Variants in DUOX1 observed in about 807,000 individuals in gnomAD.
DUOX1 encodes dual oxidase 1.
In DUOX1, 134 loss-of-function variants were observed where a neutral mutation model predicts 181.8. That is an observed-to-expected ratio of 0.74 (90% CI 0.64 to 0.85). The LOEUF (loss-of-function observed/expected upper bound fraction) is 0.85. DUOX1 is among the 40% of genes least tolerant of loss of function. The probability of loss-of-function intolerance (pLI) is 0.00; values close to 1 mark genes in which losing one functional copy is unlikely to be tolerated. For synonymous variants in DUOX1, 798 were observed against 832.5 expected (o/e 0.96, Z 0.71); for missense variants, 1,814 against 2,064.4 (o/e 0.88, Z 2.35).
At chr15:45,133,803 G>T (rs778650959) in intron 2 of DUOX1, 61 bp from the exon 3 acceptor site, 15 of 1,462,468 alleles carry the variant, frequency 1.0e-5, no homozygotes, top group Admixed American at 1.7e-5. Context: ...TATCCGGCAG[G>T]CCTGCCTGTC....
At chr15:45,132,146 GC>G in intron 2 of DUOX1, 122 bp downstream of exon 2, 1 of 836,568 alleles carries the variant, frequency 1.2e-6, no homozygotes, top group Non-Finnish European at 1.8e-6. Context: ...CTGACACAGT[GC>G]CCTGCACATG....
chr15:45,141,005 C>A lies in DUOX1; in HGVS notation c.1500C>A (p.Ile500=), dbSNP rs767254275. The change falls in exon 13 of 34, where the codon ATC becomes ATA. Residue 500 remains isoleucine (I), a synonymous_variant. Coordinates refer to ENST00000389037, the MANE Select transcript of DUOX1 (RefSeq NM_175940.3). ...HRDPGPLFST[I]VLEQFVRLRD... is the part of the protein sequence containing the mutation. ...ACCCTGGACCTCTGTTCAGCACCATCGTCCTTGAACAATTTGTGCGGCTAC... is the reference window on the plus strand; with the variant it reads ...ACCCTGGACCTCTGTTCAGCACCATAGTCCTTGAACAATTTGTGCGGCTAC... 6.2e-7 allele frequency: 1 copy of A among 1,614,208 alleles called. No individual in the cohort carries two copies. Among genetic ancestry groups the A allele is most frequent in the South Asian group, 1.1e-5 (1 of 91,070 alleles).
In DUOX1 at chr15:45,135,601, A is replaced by G; in HGVS notation, c.623A>G (p.Asp208Gly). Residue 208 changes from aspartate (D) to glycine (G), a missense_variant, in exon 6 of 34, where the codon GAC becomes GGC. By Grantham distance (94) the Asp-to-Gly change is moderately conservative (BLOSUM62 -1). This residue lies in a region of DUOX1 where 320 missense variants were observed against 313.1 expected (regional missense o/e 1.02). Transcript: ENST00000389037. ...GGGCCCGACCCCGCTTTTCCCCGAG[A>G]CTCGCAGAACCCCCTGCTCATGTGG... ...ASGPDPAFPR[D>G]SQNPLLMWAA... is the part of the protein sequence containing the mutation. 1 of 1,563,778 alleles carries G rather than the reference A, an allele frequency of 6.4e-7. No homozygotes were observed. The highest frequency in any genetic ancestry group is 8.7e-7 in the Non-Finnish European group (1 of 1,155,456).
At chr15:45,151,076 A>G in intron 22 of DUOX1, 47 bp from the exon 23 acceptor site, 1 of 1,608,684 alleles carries the variant, frequency 6.2e-7, no homozygotes, top group Non-Finnish European at 8.5e-7. Flanking sequence ...CAGAGGAACG[A>G]GTGGTTGAGA....
In DUOX1 at chr15:45,153,494, A is replaced by ATGTGTGTG. The variant is rs58154992; in HGVS notation, c.3524+61_3524+68dup. ...CATGATGATGGGTGAGTAAGTGCGA[A>ATGTGTGTG]TGTGTGTGTGTGTGTGTGTGTGTGT... On this transcript the variant is annotated intron_variant, in intron 26 of 33. Coordinates refer to ENST00000389037, the MANE Select transcript of DUOX1 (RefSeq NM_175940.3). 34 of 886,710 alleles carry ATGTGTGTG rather than the reference A, an allele frequency of 3.8e-5. No individual in the cohort carries two copies. The highest frequency in any genetic ancestry group is 3.2e-4 in the African/African-American group (16 of 50,310). 54.9% of individuals were successfully genotyped at this position (886,710 alleles called of 1,614,324 possible).
At chr15:45,147,397 T>C in intron 18 of DUOX1, 36 bp from the exon 19 acceptor site, 1 of 1,600,462 alleles carries the variant, frequency 6.2e-7, no homozygotes, top group Non-Finnish European at 8.5e-7. Context: ...GGAAGCCTTG[T>C]CTCCTCTCCC....
chr15:45,158,686 CGA>C (rs1205023943), intron 28 of DUOX1, among the ~76,000 whole-genome samples: 3 of 111,658 alleles, frequency 2.7e-5, no homozygotes, highest in Non-Finnish European at 4.9e-5. Context: ...TGGGTGACAG[CGA>C]GACTTCCATC....
In DUOX1 at chr15:45,165,060, A is replaced by AG; in HGVS notation, c.*162dup. 1 of 719,952 alleles carries AG rather than the reference A, an allele frequency of 1.4e-6. No homozygotes were observed. Among genetic ancestry groups the AG allele is most frequent in the Non-Finnish European group, 2.3e-6 (1 of 436,350 alleles). 44.6% of individuals were successfully genotyped at this position (719,952 alleles called of 1,614,324 possible). Reference sequence around the variant, plus strand: ...ATAGTCAGTCACCATGTGTGGGCTCAGGGACCCCCAGGACCAGGATGTGTC... The same window carrying AG: ...ATAGTCAGTCACCATGTGTGGGCTCAGGGGACCCCCAGGACCAGGATGTGTC... On this transcript the variant is annotated 3_prime_UTR_variant, in exon 34 of 34. Coordinates refer to ENST00000389037, the MANE Select transcript of DUOX1 (RefSeq NM_175940.3).
Position 45,143,319 on chromosome 15 carries a change from G to A in DUOX1, c.1936+16G>A, listed in dbSNP as rs1390706027. The A allele has an allele frequency of 6.2e-7, 1 of 1,608,266 alleles. No individual in the cohort carries two copies. Among genetic ancestry groups the A allele is most frequent in the Non-Finnish European group, 8.5e-7 (1 of 1,175,220 alleles). On this transcript the variant is annotated intron_variant, in intron 16 of 33. Transcript: ENST00000389037. ...GGCATGGAAGGTAGGTCTAGGGCTG[G>A]CCAGGGTGGTGGTAGGGAGGACATG...
rs1567012067 is a variant in DUOX1 at position 45,142,130 on chromosome 15, G to A, written c.1822+18G>A. On this transcript the variant is annotated intron_variant, in intron 15 of 33. Coordinates refer to ENST00000389037, the MANE Select transcript of DUOX1 (RefSeq NM_175940.3). Reference sequence around the variant, plus strand: ...CCCTTTGGGTAAAATCATGGACAGAGTGGGGTGGGGTGAGAGATGCAAGCT... The same window carrying A: ...CCCTTTGGGTAAAATCATGGACAGAATGGGGTGGGGTGAGAGATGCAAGCT... 1 of 1,608,362 alleles carries A rather than the reference G, an allele frequency of 6.2e-7. No homozygotes were observed. Among genetic ancestry groups the A allele is most frequent in the South Asian group, 1.1e-5 (1 of 90,202 alleles).
rs1279681848 is a variant in DUOX1 at position 45,151,933 on chromosome 15, G to T, written c.3074G>T (p.Ser1025Ile). The change falls in exon 24 of 34, where the codon AGC becomes ATC. Residue 1025 changes from serine (S) to isoleucine (I), a missense_variant. Ser to Ile is a moderately radical substitution (Grantham distance 142, BLOSUM62 -2). Around this residue, in one of 5 missense-constraint regions of DUOX1, gnomAD observed 1,064 missense variants for 1,152.9 expected, o/e 0.92. Coordinates refer to ENST00000389037, the MANE Select transcript of DUOX1 (RefSeq NM_175940.3). Reference sequence around the variant, plus strand: ...GCGCACCGAGAGAAGTTCCAACGCAGCTGTCTCCACCAGACGGTGCAACAG... The same window carrying T: ...GCGCACCGAGAGAAGTTCCAACGCATCTGTCTCCACCAGACGGTGCAACAG... ...TEAHREKFQR[S>I]CLHQTVQQFK... is the part of the protein sequence containing the mutation. The T allele has an allele frequency of 6.2e-7, 1 of 1,614,006 alleles. No homozygotes were observed. The highest frequency in any genetic ancestry group is 1.1e-5 in the South Asian group (1 of 91,078).
intron 21 of DUOX1, 52 bp downstream of exon 21, chr15:45,148,499 C>T: frequency 6.4e-7 from 1 of 1,551,930 alleles, no homozygotes; most frequent in Non-Finnish European, 8.7e-7. Flanking sequence ...ATAGTAGGCA[C>T]AATGCCCACA....
At chr15:45,135,073 G>A in intron 4 of DUOX1, 31 bp from the exon 5 acceptor site, 5 of 1,602,058 alleles carry the variant, frequency 3.1e-6, no homozygotes, top group Non-Finnish European at 4.3e-6. Flanking sequence ...CCCTCTGCTT[G>A]CCCTAGCACC....
intron 16 of DUOX1, 21 bp downstream of exon 16, chr15:45,143,324 G>C (rs749582258): frequency 4.4e-6 from 7 of 1,600,964 alleles, no homozygotes; most frequent in Non-Finnish European, 6.0e-6. Context: ...GGCTGGCCAG[G>C]GTGGTGGTAG....
At chr15:45,154,600 T>TTTG (rs1555423052) in intron 27 of DUOX1, among the ~76,000 whole-genome samples, 9 of 151,642 alleles carry the variant, frequency 5.9e-5, no homozygotes, top group Non-Finnish European at 8.8e-5. Context: ...GCATGGTTTT[T>TTTG]TTTTTTTTTT....
At position 45,148,416 on chromosome 15, in the gene DUOX1, C is replaced by T. The variant is rs767624505; in HGVS notation, c.2787C>T (p.Ser929=). Residue 929 remains serine, a synonymous_variant, in exon 21 of 34, where the codon AGC becomes AGT. Transcript: ENST00000389037. ...DFHFMLRDHN[S]ELRFTQLCVK... ...ACTTCATGCTGCGGGACCACAATAG[C>T]GAGCTCCGCTTCACGCAGCTCTGTG... 2.0e-5 allele frequency: 33 copies of T among 1,613,900 alleles called. 1 individual carries two copies. The highest frequency in any genetic ancestry group is 8.9e-5 in the East Asian group (4 of 44,896).
At chr15:45,163,957 C>T (rs200449258) in intron 33 of DUOX1, 39 bp downstream of exon 33, 2 of 1,604,360 alleles carry the variant, frequency 1.2e-6, no homozygotes, top group Non-Finnish European at 1.7e-6. Flanking sequence ...TCCTCTTTAT[C>T]ATTTGGGGTC....
Position 45,161,972 on chromosome 15 carries a change from T to A in DUOX1, c.4089+2T>A, listed in dbSNP as rs1176121407. 1 of 1,607,106 alleles carries A rather than the reference T, an allele frequency of 6.2e-7. No individual in the cohort carries two copies. Among genetic ancestry groups the A allele is most frequent in the African/African-American group, 1.3e-5 (1 of 74,634 alleles). On this transcript the variant is annotated splice_donor_variant, in intron 30 of 33. Coordinates refer to ENST00000389037, the MANE Select transcript of DUOX1 (RefSeq NM_175940.3). LOFTEE classifies it high-confidence loss of function. ...GACAGATGTGCCAGATACCCAAAGG[T>A]ACCAGACCCTGGCCAGACATGCCAC...
Position 45,131,898 on chromosome 15 carries a change from C to T in DUOX1, c.-49-20C>T. 1.3e-6 allele frequency: 2 copies of T among 1,527,706 alleles called. No individual in the cohort carries two copies. Among genetic ancestry groups the T allele is most frequent in the South Asian group, 2.2e-5 (2 of 89,240 alleles). 94.6% of individuals were successfully genotyped at this position (1,527,706 alleles called of 1,614,324 possible). ...TTCTTCTGAGTAGCTGGGGCTCATT[C>T]TTTGCCTGTCTTTTTCTAGGGTCTC... On this transcript the variant is annotated intron_variant, in intron 1 of 33. Coordinates refer to ENST00000389037, the MANE Select transcript of DUOX1 (RefSeq NM_175940.3).
Sources: gnomAD v4.1 joint callset for allele counts (sites outside exome capture counted in the v4.1 genomes callset) on GRCh38, gnomAD v4.1.1 for gene constraint, gnomAD v4.1.1 regional missense constraint, MANE v1.5 for transcripts, NCBI Gene and HGNC (gene_info 2026-07-23, HGNC 2026-07-21) for gene names.